CMIP: variants seen among roughly 807,000 people sequenced by gnomAD.
The protein encoded by CMIP is C-Maf-inducing protein.
Under a neutral mutation model 97.3 loss-of-function variants are expected in CMIP, and 13 were observed. The observed-to-expected ratio is 0.13, with a 90% CI of 0.09 to 0.21. CMIP has a LOEUF of 0.21. Ranked by LOEUF, CMIP falls within the 10% of genes least tolerant of loss-of-function variation. The probability of loss-of-function intolerance (pLI) is 1.00; values close to 1 mark genes in which losing one functional copy is unlikely to be tolerated. For missense variants in CMIP, 847 were observed against 1,024.9 expected, an observed-to-expected ratio of 0.83 and a Z score of 2.37; for synonymous variants, 538 against 436.3, an observed-to-expected ratio of 1.23 and a Z score of -2.91.
intron 1 of CMIP, among the ~76,000 whole-genome samples, chr16:81,580,671 A>G (rs1339300286): frequency 6.6e-6 from 1 of 151,622 alleles, no homozygotes; most frequent in Non-Finnish European, 1.5e-5. Context: ...CCTGACCTCA[A>G]GTGATCCACC....
At chr16:81,503,047 C>T (rs4889327) in intron 1 of CMIP, among the ~76,000 whole-genome samples, 33,293 of 152,126 alleles carry the variant, frequency 0.22, 4,069 homozygotes, top group East Asian at 0.35. Flanking sequence ...CTGGCCTCCT[C>T]GTTGATGTTT....
chr16:81,583,230 G>A (rs537849267), intron 1 of CMIP, among the ~76,000 whole-genome samples: 26 of 152,310 alleles, frequency 1.7e-4, no homozygotes, highest in South Asian at 1.7e-3. Flanking sequence ...CCCTATTGAC[G>A]GCGACAGCAT....
intron 1 of CMIP, among the ~76,000 whole-genome samples, chr16:81,499,945 C>T (rs1156977516): frequency 1.3e-5 from 2 of 152,270 alleles, no homozygotes; most frequent in African/African-American, 4.8e-5. Context: ...GCGCCCCACG[C>T]ACTCTGGGCT....
chr16:81,661,644 C>T (rs2092548025), intron 6 of CMIP, among the ~76,000 whole-genome samples: 1 of 152,180 alleles, frequency 6.6e-6, no homozygotes, highest in South Asian at 2.1e-4. Flanking sequence ...TTTGGAGAGG[C>T]GTGGGCTGTG....
Position 81,678,189 on chromosome 16 carries a change from A to C in CMIP, c.1035-86A>C, listed in dbSNP as rs1397858604. 6.9e-6 allele frequency: 7 copies of C among 1,012,100 alleles called. No individual in the cohort carries two copies. The Admixed American group carries it at 2.0e-4, about 29-fold the overall frequency. The allele number at this position is 1,012,100 out of a possible 1,614,324, so 62.7% of individuals were successfully genotyped here. The stretch of plus-strand genomic sequence containing the variant: ...TATTACATTTTGGCCTCATCCTGGG[A>C]TTCAGGGAGGCCTTTAGTCTGATGG... On this transcript the variant is annotated intron_variant, in intron 9 of 20. Coordinates refer to ENST00000537098, the MANE Select transcript of CMIP (RefSeq NM_198390.3).
intron 1 of CMIP, among the ~76,000 whole-genome samples, chr16:81,606,652 G>C (rs1360270473): frequency 6.6e-6 from 1 of 152,204 alleles, no homozygotes; most frequent in Non-Finnish European, 1.5e-5. Context: ...TGGGGAAAGA[G>C]TGGGAACCAA....
At chr16:81,540,004 C>T (rs2090418811) in intron 1 of CMIP, among the ~76,000 whole-genome samples, 1 of 152,220 alleles carries the variant, frequency 6.6e-6, no homozygotes, top group Admixed American at 6.5e-5. Context: ...GAATGAGTGA[C>T]AGAAACAAAC....
At chr16:81,673,799 C>T (rs1339715498) in intron 9 of CMIP, among the ~76,000 whole-genome samples, 1 of 152,194 alleles carries the variant, frequency 6.6e-6, no homozygotes, top group Non-Finnish European at 1.5e-5. Context: ...ATGTGACATG[C>T]AGAACACAGT....
At chr16:81,561,942 C>A (rs115294446) in intron 1 of CMIP, among the ~76,000 whole-genome samples, 150 of 152,278 alleles carry the variant, frequency 9.9e-4, no homozygotes, top group African/African-American at 3.5e-3. Context: ...GGGATACCTG[C>A]TGGGGGCTGT....
intron 1 of CMIP, among the ~76,000 whole-genome samples, chr16:81,530,160 G>C (rs2090204502): frequency 6.6e-6 from 1 of 152,162 alleles, no homozygotes; most frequent in African/African-American, 2.4e-5. Flanking sequence ...GGGAAAATCA[G>C]ACTCATTCAG....
intron 3 of CMIP, among the ~76,000 whole-genome samples, chr16:81,639,827 AT>A (rs2092282340): frequency 6.6e-6 from 1 of 152,186 alleles, no homozygotes; most frequent in African/African-American, 2.4e-5. Context: ...CGTTATTGGA[AT>A]TCTAAGCCCC....
At chr16:81,667,799 A>AGAGAGAGAGAGAGAGGGTGTGT in intron 7 of CMIP, among the ~76,000 whole-genome samples, 1 of 58,096 alleles carries the variant, frequency 1.7e-5, no homozygotes, top group Non-Finnish European at 3.2e-5. Flanking sequence ...AGAGAGAGAG[A>AGAGAGAGAGAGAGAGGGTGTGT]GTGTGTGTGT....
At chr16:81,633,424 G>A (rs2092191814) in intron 3 of CMIP, among the ~76,000 whole-genome samples, 1 of 152,254 alleles carries the variant, frequency 6.6e-6, no homozygotes, top group African/African-American at 2.4e-5. Flanking sequence ...TTTAAAAAGA[G>A]CAGTGCTTGT....
intron 1 of CMIP, among the ~76,000 whole-genome samples, chr16:81,602,086 C>T (rs559261008): frequency 1.5e-4 from 23 of 152,182 alleles, no homozygotes; most frequent in Non-Finnish European, 2.8e-4. Flanking sequence ...ATGTTCACTG[C>T]GGAGTTGTGC....
intron 1 of CMIP, among the ~76,000 whole-genome samples, chr16:81,511,960 A>C (rs977981897): frequency 1.3e-5 from 2 of 152,246 alleles, no homozygotes; most frequent in African/African-American, 4.8e-5. Flanking sequence ...ATGTGCTCTA[A>C]GTGTAAAACG....
At chr16:81,555,447 T>G (rs972589370) in intron 1 of CMIP, among the ~76,000 whole-genome samples, 4 of 152,064 alleles carry the variant, frequency 2.6e-5, no homozygotes, top group African/African-American at 9.7e-5. Context: ...ATGGGGACAG[T>G]GAAAGCACAC....
At chr16:81,577,334 C>T (rs550526587) in intron 1 of CMIP, among the ~76,000 whole-genome samples, 1 of 150,590 alleles carries the variant, frequency 6.6e-6, no homozygotes, top group Non-Finnish European at 1.5e-5. Flanking sequence ...TTATCACTAT[C>T]ACCATCACCA....
chr16:81,611,099 G>T (rs1325420136), intron 2 of CMIP, among the ~76,000 whole-genome samples: 1 of 152,180 alleles, frequency 6.6e-6, no homozygotes, highest in African/African-American at 2.4e-5. Flanking sequence ...CCCACAGATG[G>T]ATTTAATTTA....
intron 14 of CMIP, 24 bp downstream of exon 14, chr16:81,696,691 G>C (rs754548412): frequency 6.3e-7 from 1 of 1,595,668 alleles, no homozygotes; most frequent in Non-Finnish European, 8.5e-7. Context: ...CCCCAGTGGG[G>C]TGACTTCCAG....
Sources: allele counts gnomAD v4.1 joint callset (sites outside exome capture counted in the v4.1 genomes callset), GRCh38; gene constraint gnomAD v4.1.1; transcripts MANE v1.5; gene names NCBI Gene and HGNC (gene_info 2026-07-23, HGNC 2026-07-21).